SLC47A2: variants seen among roughly 807,000 people sequenced by gnomAD.
SLC47A2 encodes the protein solute carrier family 47 member 2.
Under a neutral mutation model 67.7 loss-of-function variants are expected in SLC47A2, and 52 were observed. The ratio of observed to expected loss-of-function variants is 0.77; its 90% CI spans 0.61 to 0.97. SLC47A2 has a LOEUF of 0.97. SLC47A2 is among the 50% of genes least tolerant of loss of function. The pLI is 0.00. For synonymous variants in SLC47A2, 278 were observed against 292.9 expected (o/e 0.95, Z 0.52); for missense variants, 676 against 712.3 (o/e 0.95, Z 0.58).
upstream of SLC47A2, chr17:19,716,600 C>A: frequency 6.5e-7 from 1 of 1,532,712 alleles, no homozygotes; most frequent in Non-Finnish European, 8.8e-7. Flanking sequence ...AGCGCCTGCA[C>A]GGCCAGCTTT....
intron 13 of SLC47A2, among the ~76,000 whole-genome samples, chr17:19,683,517 T>A (rs2152339071): frequency 6.6e-6 from 1 of 152,256 alleles, no homozygotes; most frequent in African/African-American, 2.4e-5. Flanking sequence ...GGGAGTTTGA[T>A]GAGGTAAAAC....
chr17:19,704,040 G>T, intron 11 of SLC47A2, 30 bp downstream of exon 11: 1 of 1,557,940 alleles, frequency 6.4e-7, no homozygotes. Flanking sequence ...GCCAACGTTT[G>T]AAGGCCCACC....
intron 16 of SLC47A2, among the ~76,000 whole-genome samples, 174 bp downstream of exon 16, chr17:19,679,778 C>A (rs1335876840): frequency 2.6e-5 from 4 of 151,966 alleles, no homozygotes; most frequent in Admixed American, 6.6e-5. Flanking sequence ...GCCTGCTAGA[C>A]AATAGATGTT....
At chr17:19,703,529 A>G (rs2085844869) in intron 11 of SLC47A2, among the ~76,000 whole-genome samples, 1 of 152,232 alleles carries the variant, frequency 6.6e-6, no homozygotes, top group Non-Finnish European at 1.5e-5. Flanking sequence ...CAGCCCTCCA[A>G]GGGGATTCCA....
At chr17:19,690,686 T>C (rs1446816047) in intron 13 of SLC47A2, among the ~76,000 whole-genome samples, 3 of 152,076 alleles carry the variant, frequency 2.0e-5, no homozygotes, top group Non-Finnish European at 1.5e-5. Context: ...GGCAAACATA[T>C]ATGAAAAGAT....
chr17:19,695,475 C>T (rs1250004802), intron 13 of SLC47A2, among the ~76,000 whole-genome samples: 4 of 110,424 alleles, frequency 3.6e-5, no homozygotes, highest in East Asian at 5.8e-4. Context: ...AGAGTGAGAC[C>T]TGTCTTAAAA....
At position 19,704,143 on chromosome 17, in the gene SLC47A2, T is replaced by A; in HGVS notation, c.945A>T (p.Arg315=). ...PLGLSIGVCV[R]VGMALGAADT... is the part of the protein sequence containing the mutation. ...CCGCAGCCCCCAGAGCCATCCCCAC[T>A]CGGACACAGACCCCGATGCTGAGCC... is the stretch of plus-strand genomic sequence containing the variant. The change falls in exon 11 of 17, where the codon CGA becomes CGT. Residue 315 remains arginine, a synonymous_variant. Transcript: ENST00000433844. 1 of 1,612,252 alleles carries A rather than the reference T, an allele frequency of 6.2e-7. No individual in the cohort carries two copies. The highest frequency in any genetic ancestry group is 8.5e-7 in the Non-Finnish European group (1 of 1,179,652).
rs781636631 is a variant in SLC47A2, at chr17:19,703,183, G to T, written c.1019-16C>A. Reference sequence around the variant, plus strand: ...GAAATGCCAACTGGAAGAGACAAAAGGTGCAGCAATGACAGACCCCAAGCC... The same window carrying T: ...GAAATGCCAACTGGAAGAGACAAAATGTGCAGCAATGACAGACCCCAAGCC... On this transcript the variant is annotated splice_polypyrimidine_tract_variant and intron_variant, in intron 11 of 16. Coordinates refer to ENST00000433844, the MANE Select transcript of SLC47A2 (RefSeq NM_001099646.3). 13 of 1,613,480 alleles carry T rather than the reference G, an allele frequency of 8.1e-6. No individual in the cohort carries two copies. Among genetic ancestry groups the T allele is most frequent in the East Asian group, 2.2e-5 (1 of 44,884 alleles).
In SLC47A2 at chr17:19,685,428, G is replaced by A. The variant is rs1166114595; in HGVS notation, c.1165-3758C>T. Among the ~76,000 whole-genome samples the A allele has an allele frequency of 6.6e-6, 1 of 151,944 alleles. No homozygotes were observed. The highest frequency in any genetic ancestry group is 1.5e-5 in the Non-Finnish European group (1 of 67,978). On this transcript the variant is annotated intron_variant, in intron 13 of 16. Coordinates refer to ENST00000433844, the MANE Select transcript of SLC47A2 (RefSeq NM_001099646.3). This position sits in a 1 kb window ranked among gnomAD's most constrained non-coding sequence, Gnocchi z 4.5. ...GTCTCTGCCTGGCCGCCCATCATCT[G>A]GGATGTGAGGAGCCCCTCTGCCTGG...
intron 5 of SLC47A2, among the ~76,000 whole-genome samples, chr17:19,711,089 G>A (rs533028015): frequency 7.9e-5 from 12 of 152,182 alleles, no homozygotes; most frequent in African/African-American, 2.4e-4. Flanking sequence ...GATTACAGGC[G>A]TGAGCCACTG....
chr17:19,704,914 C>T, intron 10 of SLC47A2: 1 of 440,114 alleles, frequency 2.3e-6, no homozygotes, highest in South Asian at 4.9e-5. Context: ...CAACCTCCGC[C>T]TCCCGGGTTC....
chr17:19,703,235 A>T, intron 11 of SLC47A2, 68 bp from the exon 12 acceptor site: 5 of 1,473,866 alleles, frequency 3.4e-6, no homozygotes, highest in Non-Finnish European at 4.7e-6. Context: ...CAGATCAGCA[A>T]AGGGCTGGCC....
rs747153000 is a variant in SLC47A2 at position 19,678,740 on chromosome 17, C to T, written c.1647G>A (p.Ala549=). 4.3e-5 allele frequency: 70 copies of T among 1,613,686 alleles called. No individual in the cohort carries two copies. Among genetic ancestry groups the T allele is most frequent in the Admixed American group, 2.2e-4 (13 of 60,006 alleles). The part of the protein sequence containing the change: ...VIRRGAALGA[A]SATLMVGLTV... ...TGAGCCCCACCATCAGTGTGGCTGA[C>T]GCCGCCCCCAGAGCAGCCCCACGGC... Residue 549 remains alanine (A), a synonymous_variant, in exon 17 of 17, where the codon GCG becomes GCA. Transcript: ENST00000433844.
chr17:19,707,644 C>T, intron 8 of SLC47A2, 102 bp downstream of exon 8: 1 of 1,002,388 alleles, frequency 1.0e-6, no homozygotes, highest in Non-Finnish European at 1.5e-6. Context: ...CCTCCTCCAA[C>T]AGGCTCTACT....
chr17:19,703,035 A>T, intron 12 of SLC47A2, 57 bp downstream of exon 12: 1 of 1,536,864 alleles, frequency 6.5e-7, no homozygotes, highest in Non-Finnish European at 9.0e-7. Flanking sequence ...ATCTGAGGAC[A>T]CACTGGGAAC....
At position 19,692,004 on chromosome 17, in the gene SLC47A2, C is replaced by T. The variant is rs150741377; in HGVS notation, c.1165-10334G>A. On this transcript the variant is annotated intron_variant, in intron 13 of 16. Coordinates refer to ENST00000433844, the MANE Select transcript of SLC47A2 (RefSeq NM_001099646.3). The stretch of plus-strand genomic sequence containing the variant: ...CAGCACTTTGGGAGGCCTAGGTGGG[C>T]AGATCATAAGGTCAGGAATTCGAGA... Among the ~76,000 whole-genome samples, 1,143 of 152,162 alleles carry T rather than the reference C, an allele frequency of 7.5e-3. 9 individuals are homozygous for T. Among genetic ancestry groups the T allele is most frequent in the African/African-American group, 0.026 (1,083 of 41,532 alleles).
chr17:19,712,302 G>A (rs1194529713), intron 5 of SLC47A2, among the ~76,000 whole-genome samples: 1 of 152,080 alleles, frequency 6.6e-6, no homozygotes, highest in African/African-American at 2.4e-5. Flanking sequence ...CAGGAGAATG[G>A]CTTGAACCCA....
chr17:19,708,655 T>C (rs1342815464), intron 6 of SLC47A2, 61 bp downstream of exon 6: 20 of 1,606,876 alleles, frequency 1.2e-5, no homozygotes, highest in Non-Finnish European at 1.7e-5. Context: ...CAGGCCCCCC[T>C]CCCACTGGAA....
intron 9 of SLC47A2, 40 bp downstream of exon 9, chr17:19,706,608 C>G (rs199780136): frequency 6.7e-7 from 1 of 1,497,742 alleles, no homozygotes; most frequent in Admixed American, 2.3e-5. Context: ...CTGGGTGAGC[C>G]GCCCACACGC....
Sources: allele counts gnomAD v4.1 joint callset (sites outside exome capture counted in the v4.1 genomes callset), GRCh38; gene constraint gnomAD v4.1.1; non-coding constraint Gnocchi (gnomAD v3.1); transcripts MANE v1.5; gene names NCBI Gene and HGNC (gene_info 2026-07-23, HGNC 2026-07-21).